GLI2: variants seen among roughly 807,000 people sequenced by gnomAD.
GLI2 encodes the protein transcription activator GLI2.
Under a neutral mutation model 78.9 loss-of-function variants are expected in GLI2, and 22 were observed. The observed-to-expected ratio is 0.28, with a 90% CI of 0.20 to 0.40. The LOEUF is 0.40. Among genes scored for constraint, GLI2 ranks in the 10% least tolerant of loss-of-function variants. GLI2 has a pLI of 1.00. For missense variants in GLI2, 2,097 were observed against 2,213.2 expected (o/e 0.95, Z 1.05); for synonymous variants, 974 against 963.7 (o/e 1.01, Z -0.20).
intron 2 of GLI2, among the ~76,000 whole-genome samples, chr2:120,919,132 A>G (rs1339683493): frequency 6.6e-6 from 1 of 152,212 alleles, no homozygotes; most frequent in Non-Finnish European, 1.5e-5. Flanking sequence ...CCAGTAAGCC[A>G]TCTACACTTT....
intron 1 of GLI2, among the ~76,000 whole-genome samples, chr2:120,761,413 G>T (rs1391860320): frequency 6.6e-6 from 1 of 152,222 alleles, no homozygotes; most frequent in Non-Finnish European, 1.5e-5. Flanking sequence ...AGCCCAGTGG[G>T]TGAGGCCAAG....
rs370166462 is a variant in GLI2, at chr2:120,831,144, T to C, written c.148+33676T>C. ...CTTTCTGTGTCATTCTCCATGTTTG[T>C]CCTTCTGTTCCCTTTCCTTGTCTGT... is the stretch of plus-strand genomic sequence containing the variant. On this transcript the variant is annotated intron_variant, in intron 2 of 13. Coordinates refer to ENST00000361492, the MANE Select transcript of GLI2 (RefSeq NM_001374353.1). Among the ~76,000 whole-genome samples, 7 of 152,270 alleles carry C rather than the reference T, an allele frequency of 4.6e-5. No individual in the cohort carries two copies. In the East Asian group the frequency reaches 1.2e-3, roughly 25 times the overall value.
chr2:120,864,726 C>A (rs903344038), intron 2 of GLI2, among the ~76,000 whole-genome samples: 2 of 152,144 alleles, frequency 1.3e-5, no homozygotes, highest in Non-Finnish European at 1.5e-5. Context: ...GGATTACGGG[C>A]GTGAGTCACC....
chr2:120,989,956 C>G lies in GLI2; in HGVS notation c.3991C>G (p.Gln1331Glu). 6.2e-7 allele frequency: 1 copy of G among 1,611,250 alleles called. No individual in the cohort carries two copies. Among genetic ancestry groups the G allele is most frequent in the East Asian group, 2.2e-5 (1 of 44,826 alleles). ...GGTCCCCAGCCTTCTGCCTGCCCGCCAGCCTGGCTTCATGGAGCCCCAAAC... is the reference window on the plus strand; with the variant it reads ...GGTCCCCAGCCTTCTGCCTGCCCGCGAGCCTGGCTTCATGGAGCCCCAAAC... Reference protein sequence around the residue: ...HQVPSLLPARQPGFMEPQTGP... With the variant: ...HQVPSLLPAREPGFMEPQTGP... The change falls in exon 14 of 14, where the codon CAG (glutamine) becomes GAG (glutamate). Residue 1331 changes from glutamine to glutamate, a missense_variant. Transcript: ENST00000361492.
At chr2:120,741,517 C>T (rs1459754339) in intron 1 of GLI2, among the ~76,000 whole-genome samples, 1 of 151,610 alleles carries the variant, frequency 6.6e-6, no homozygotes, top group Non-Finnish European at 1.5e-5. Context: ...CTTCTCTTTC[C>T]CTCCGTTTCC....
chr2:120,945,954 T>TTCTC (rs1173639832), intron 3 of GLI2, among the ~76,000 whole-genome samples: 21 of 33,570 alleles, frequency 6.3e-4, no homozygotes, highest in African/African-American at 1.7e-3. Flanking sequence ...AGGCATAACC[T>TTCTC]TCTCACACAC....
rs540849765 is a variant in GLI2 at position 120,765,190 on chromosome 2, T to C, written c.-31+28905T>C. 3.3e-5 allele frequency among the ~76,000 whole-genome samples: 5 copies of C among 152,306 alleles called. No individual in the cohort carries two copies. The South Asian group carries it at 8.3e-4, about 25-fold the overall frequency. On this transcript the variant is annotated intron_variant, in intron 1 of 13. Transcript: ENST00000361492. ...CTCTCTAGACCCCAGTCTGGGATCCTTGGGCCTCTCTCATGTGCCCTCAGG... is the reference window on the plus strand; with the variant it reads ...CTCTCTAGACCCCAGTCTGGGATCCCTGGGCCTCTCTCATGTGCCCTCAGG...
At chr2:120,943,133 A>G (rs1680543838) in intron 3 of GLI2, among the ~76,000 whole-genome samples, 1 of 152,226 alleles carries the variant, frequency 6.6e-6, no homozygotes, top group Non-Finnish European at 1.5e-5. Flanking sequence ...TCTGGTCATC[A>G]GCTGAGATGG....
chr2:120,830,726 A>T (rs1573446766), intron 2 of GLI2, among the ~76,000 whole-genome samples: 1 of 152,024 alleles, frequency 6.6e-6, no homozygotes, highest in African/African-American at 2.4e-5. Context: ...TCATGGCTGG[A>T]CCTGTGAGAC....
intron 2 of GLI2, among the ~76,000 whole-genome samples, chr2:120,912,030 C>A (rs947947319): frequency 6.6e-6 from 1 of 152,088 alleles, no homozygotes; most frequent in African/African-American, 2.4e-5. Context: ...TCCTCCTGGT[C>A]CCCCTACTGA....
chr2:120,888,629 G>A (rs1295455172), intron 2 of GLI2, among the ~76,000 whole-genome samples: 1 of 152,028 alleles, frequency 6.6e-6, no homozygotes, highest in African/African-American at 2.4e-5. Context: ...TGGGGAGATT[G>A]TTGAGTTTTT....
intron 1 of GLI2, among the ~76,000 whole-genome samples, chr2:120,768,095 G>T (rs747185185): frequency 6.6e-6 from 1 of 152,208 alleles, no homozygotes; most frequent in Non-Finnish European, 1.5e-5. Flanking sequence ...TGAAGCTCGA[G>T]TTTGGCATAT....
intron 3 of GLI2, among the ~76,000 whole-genome samples, chr2:120,944,658 A>G (rs1228531283): frequency 6.6e-6 from 1 of 152,188 alleles, no homozygotes; most frequent in Non-Finnish European, 1.5e-5. Context: ...ACCATTAGAC[A>G]TGTCAGTGCC....
chr2:120,827,740 A>T (rs1686156997), intron 2 of GLI2, among the ~76,000 whole-genome samples: 1 of 152,230 alleles, frequency 6.6e-6, no homozygotes, highest in South Asian at 2.1e-4. Context: ...GCACAGATGA[A>T]CCTTGAGAAC....
intron 1 of GLI2, among the ~76,000 whole-genome samples, chr2:120,767,837 G>A (rs1189985484): frequency 1.3e-5 from 2 of 152,236 alleles, no homozygotes. Flanking sequence ...ATCTGGAAAA[G>A]CAGACTTCAG....
At chr2:120,936,950 C>G (rs757019482) in intron 3 of GLI2, among the ~76,000 whole-genome samples, 1 of 152,172 alleles carries the variant, frequency 6.6e-6, no homozygotes, top group Non-Finnish European at 1.5e-5. Flanking sequence ...ATTGCTGCTG[C>G]CCTCAAGCCT....
chr2:120,881,679 GT>G (rs1258307468), intron 2 of GLI2, among the ~76,000 whole-genome samples: 2 of 85,178 alleles, frequency 2.3e-5, no homozygotes, highest in Non-Finnish European at 4.7e-5. Context: ...GGGACGGCAG[GT>G]GGGGGGAGGA....
At chr2:120,937,446 TG>T (rs1257794416) in intron 3 of GLI2, among the ~76,000 whole-genome samples, 1 of 152,040 alleles carries the variant, frequency 6.6e-6, no homozygotes, top group Non-Finnish European at 1.5e-5. Flanking sequence ...ATGATCTGGT[TG>T]GGGAGAGGGC....
At chr2:120,809,841 G>A (rs1022653122) in intron 2 of GLI2, among the ~76,000 whole-genome samples, 2 of 152,204 alleles carry the variant, frequency 1.3e-5, no homozygotes, top group African/African-American at 4.8e-5. Flanking sequence ...GGGGAGCTGA[G>A]TAAATCACCG....
Sources: gnomAD v4.1 joint callset for allele counts (sites outside exome capture counted in the v4.1 genomes callset) on GRCh38, gnomAD v4.1.1 for gene constraint, MANE v1.5 for transcripts, NCBI Gene and HGNC (gene_info 2026-07-23, HGNC 2026-07-21) for gene names.